SOX5: variants seen among roughly 807,000 people sequenced by gnomAD.
The protein encoded by SOX5 is SRY-box transcription factor 5, also known as transcription factor SOX-5.
SOX5 carries 9 observed loss-of-function variants against 92.0 expected under a neutral mutation model. The observed-to-expected ratio is 0.10, with a 90% CI of 0.06 to 0.17. The LOEUF (loss-of-function observed/expected upper bound fraction) is 0.17. SOX5 is among the 10% of genes least tolerant of loss of function. The pLI is 1.00. For synonymous variants in SOX5, 344 were observed against 336.3 expected (o/e 1.02, Z -0.25); for missense variants, 642 against 944.5 (o/e 0.68, Z 4.20).
chr12:23,816,810 AATAC>A (rs1313891000), intron 3 of SOX5, among the ~76,000 whole-genome samples: 5 of 152,130 alleles, frequency 3.3e-5, no homozygotes, highest in East Asian at 1.9e-4. Context: ...TGCCCACTTT[AATAC>A]AGGTCTCTGG....
intron 3 of SOX5, among the ~76,000 whole-genome samples, chr12:23,808,080 G>A (rs1276943044): frequency 1.3e-5 from 2 of 151,556 alleles, no homozygotes; most frequent in East Asian, 3.9e-4. Context: ...ATATATGTTT[G>A]AGCAAGGCAT....
chr12:23,977,343 A>G (rs529177685), intron 4 of SOX5, among the ~76,000 whole-genome samples: 1 of 152,154 alleles, frequency 6.6e-6, no homozygotes, highest in Non-Finnish European at 1.5e-5. Context: ...AGTCAATGGG[A>G]CTGAAGTCTG....
chr12:24,240,159 T>C (rs954251552), intron 3 of SOX5, among the ~76,000 whole-genome samples: 1 of 152,308 alleles, frequency 6.6e-6, no homozygotes, highest in Non-Finnish European at 1.5e-5. Flanking sequence ...AAATTCACTT[T>C]AGTTCTTTAA....
intron 4 of SOX5, among the ~76,000 whole-genome samples, chr12:24,170,375 A>T (rs377182154): frequency 3.9e-5 from 6 of 152,322 alleles, no homozygotes. Flanking sequence ...CATGCTTGTG[A>T]ACACTCATGA....
chr12:23,731,304 A>T (rs563378126), intron 6 of SOX5, among the ~76,000 whole-genome samples: 1 of 152,272 alleles, frequency 6.6e-6, no homozygotes, highest in East Asian at 1.9e-4. Flanking sequence ...CCTGTTGCAG[A>T]ACTTAGCCTC....
intron 4 of SOX5, among the ~76,000 whole-genome samples, chr12:24,071,548 C>A (rs924964606): frequency 1.3e-5 from 2 of 151,298 alleles, no homozygotes; most frequent in Non-Finnish European, 3.0e-5. Flanking sequence ...CATTCTTCTG[C>A]CTCAGCCTCC....
chr12:24,139,890 A>G (rs1950421030), intron 4 of SOX5, among the ~76,000 whole-genome samples: 1 of 152,098 alleles, frequency 6.6e-6, no homozygotes, highest in South Asian at 2.1e-4. Context: ...ATAAGATGAT[A>G]CTTTCCTTAG....
chr12:24,315,213 G>C (rs1565888623), intron 2 of SOX5, among the ~76,000 whole-genome samples: 1 of 151,906 alleles, frequency 6.6e-6, no homozygotes, highest in South Asian at 2.1e-4. Context: ...TACTAACTAG[G>C]TCTAGATAAG....
At chr12:24,144,473 G>T (rs958463889) in intron 4 of SOX5, among the ~76,000 whole-genome samples, 1 of 152,094 alleles carries the variant, frequency 6.6e-6, no homozygotes, top group Non-Finnish European at 1.5e-5. Context: ...ATGTAGCGCT[G>T]CATTTACAAC....
chr12:24,378,088 T>C (rs1957463589), intron 1 of SOX5, among the ~76,000 whole-genome samples: 1 of 152,184 alleles, frequency 6.6e-6, no homozygotes. Context: ...AAAGAAGTAA[T>C]TTTACTGGCA....
intron 3 of SOX5, among the ~76,000 whole-genome samples, chr12:24,250,745 A>G (rs1555196711): frequency 6.6e-6 from 1 of 152,204 alleles, no homozygotes; most frequent in Non-Finnish European, 1.5e-5. Flanking sequence ...AAGAAAGATC[A>G]CTGAAGGTAC....
chr12:23,538,032 C>T (rs1304807986), intron 13 of SOX5, among the ~76,000 whole-genome samples: 2 of 151,918 alleles, frequency 1.3e-5, no homozygotes, highest in Admixed American at 6.6e-5. Flanking sequence ...AACGCGAATG[C>T]ACAAAGACCG....
At chr12:24,430,457 A>G (rs1045928428) in intron 1 of SOX5, among the ~76,000 whole-genome samples, 5 of 151,794 alleles carry the variant, frequency 3.3e-5, no homozygotes, top group Non-Finnish European at 7.4e-5. Flanking sequence ...GTATATATAT[A>G]ATATATATAA....
intron 3 of SOX5, among the ~76,000 whole-genome samples, chr12:23,798,957 A>C (rs1446871418): frequency 6.6e-6 from 1 of 152,002 alleles, no homozygotes; most frequent in African/African-American, 2.4e-5. Flanking sequence ...TAGAAACATC[A>C]ACATTATTAA....
intron 4 of SOX5, among the ~76,000 whole-genome samples, chr12:24,052,201 A>G (rs1395749909): frequency 6.6e-6 from 1 of 152,190 alleles, no homozygotes; most frequent in East Asian, 1.9e-4. Context: ...CCCTACCCAG[A>G]GAATAGGAAT....
At chr12:24,392,939 T>C (rs934842830) in intron 1 of SOX5, among the ~76,000 whole-genome samples, 6 of 152,244 alleles carry the variant, frequency 3.9e-5, no homozygotes, top group Non-Finnish European at 7.4e-5. Flanking sequence ...AGGGCCCCCA[T>C]GTGAGAGCCT....
chr12:24,026,608 A>C (rs1954913525), intron 4 of SOX5, among the ~76,000 whole-genome samples: 1 of 151,762 alleles, frequency 6.6e-6, no homozygotes. Context: ...GCAAAAAAAA[A>C]AAAAACAAAA....
chr12:23,894,727 G>A (rs2097160873), intron 2 of SOX5, among the ~76,000 whole-genome samples: 1 of 152,052 alleles, frequency 6.6e-6, no homozygotes, highest in African/African-American at 2.4e-5. Context: ...ACATGAACAA[G>A]TGGACATATT....
chr12:23,999,806 A>G (rs1358640544), intron 4 of SOX5, among the ~76,000 whole-genome samples: 3 of 152,004 alleles, frequency 2.0e-5, no homozygotes, highest in Non-Finnish European at 4.4e-5. Flanking sequence ...AGGAGAAACA[A>G]AGGTGTTTCC....
Sources: gnomAD v4.1 joint callset for allele counts (sites outside exome capture counted in the v4.1 genomes callset) on GRCh38, gnomAD v4.1.1 for gene constraint, MANE v1.5 for transcripts, NCBI Gene and HGNC (gene_info 2026-07-23, HGNC 2026-07-21) for gene names.